The following NCKAP5 variants were observed in gnomAD, a reference collection of about 807,000 sequenced individuals.
NCKAP5 encodes nck-associated protein 5.
Under a neutral mutation model 167.0 loss-of-function variants are expected in NCKAP5, and 92 were observed. That is an observed-to-expected ratio of 0.55 (90% confidence interval 0.47 to 0.66). The LOEUF is 0.66. Ranked by LOEUF, NCKAP5 falls within the 30% of genes least tolerant of loss-of-function variation. NCKAP5 has a pLI of 0.00. For missense variants in NCKAP5, 2,378 were observed against 2,315.0 expected, an observed-to-expected ratio of 1.03 and a Z score of -0.56; for synonymous variants, 891 against 877.4, an observed-to-expected ratio of 1.02 and a Z score of -0.27.
At chr2:133,502,305 A>C (rs1275196109) in intron 3 of NCKAP5, among the ~76,000 whole-genome samples, 1 of 152,176 alleles carries the variant, frequency 6.6e-6, no homozygotes, top group Non-Finnish European at 1.5e-5. Context: ...TTCTCCATGC[A>C]GACGTTATGG....
chr2:133,172,020 C>G (rs1232603996), intron 5 of NCKAP5, among the ~76,000 whole-genome samples: 2 of 152,156 alleles, frequency 1.3e-5, no homozygotes, highest in African/African-American at 4.8e-5. Context: ...AAAGTATCTT[C>G]CATCACATTT....
chr2:133,641,687 G>T, the NCKAP5 span, among the ~76,000 whole-genome samples: 4 of 152,172 alleles, frequency 2.6e-5, no homozygotes, highest in African/African-American at 9.7e-5. Flanking sequence ...GGAGGCTGTG[G>T]TTCATCCAGT....
At chr2:133,050,673 G>A (rs372410782) in intron 6 of NCKAP5, among the ~76,000 whole-genome samples, 1 of 152,094 alleles carries the variant, frequency 6.6e-6, no homozygotes, top group East Asian at 1.9e-4. Flanking sequence ...CATTAGTCTA[G>A]GTATATTTTT....
chr2:132,811,861 G>T (rs919953754), intron 11 of NCKAP5, among the ~76,000 whole-genome samples: 8 of 152,072 alleles, frequency 5.3e-5, no homozygotes, highest in Admixed American at 3.3e-4. Flanking sequence ...TTTACCCCCC[G>T]CTCCTCTGGC....
chr2:132,702,715 A>C (rs1005637372), intron 19 of NCKAP5, among the ~76,000 whole-genome samples: 1 of 152,040 alleles, frequency 6.6e-6, no homozygotes, highest in African/African-American at 2.4e-5. Context: ...CATCACTCCC[A>C]ATCAAACTAT....
intron 9 of NCKAP5, among the ~76,000 whole-genome samples, chr2:132,876,031 A>T (rs549295353): frequency 8.5e-5 from 13 of 152,280 alleles, no homozygotes; most frequent in African/African-American, 3.1e-4. Flanking sequence ...CCAAATCCTC[A>T]ATATGTTCCT....
chr2:132,849,477 T>C (rs1337143224), intron 11 of NCKAP5, among the ~76,000 whole-genome samples: 2 of 152,194 alleles, frequency 1.3e-5, no homozygotes, highest in Non-Finnish European at 2.9e-5. Flanking sequence ...TAATACAGTA[T>C]ATTTTTGGGC....
chr2:133,307,800 T>C (rs1680886507), intron 3 of NCKAP5, among the ~76,000 whole-genome samples: 1 of 152,126 alleles, frequency 6.6e-6, no homozygotes, highest in African/African-American at 2.4e-5. Flanking sequence ...TATGTACATA[T>C]ACTATGCATT....
intron 16 of NCKAP5, among the ~76,000 whole-genome samples, chr2:132,765,686 G>A (rs1170888843): frequency 1.3e-5 from 2 of 152,120 alleles, no homozygotes; most frequent in African/African-American, 2.4e-5. Context: ...CTTGGTAGGG[G>A]GCTGGCTGCA....
chr2:133,623,678 AC>A, the NCKAP5 span, among the ~76,000 whole-genome samples: 2 of 152,162 alleles, frequency 1.3e-5, no homozygotes, highest in Non-Finnish European at 2.9e-5. Context: ...AAAAGGGAAC[AC>A]TTTTACACAC....
chr2:132,878,619 C>G (rs1574495377), intron 9 of NCKAP5, among the ~76,000 whole-genome samples: 1 of 61,862 alleles, frequency 1.6e-5, no homozygotes, highest in African/African-American at 1.2e-4. Flanking sequence ...CAGATACACA[C>G]ACACACACAC....
intron 4 of NCKAP5, among the ~76,000 whole-genome samples, chr2:133,281,771 C>T (rs1212401584): frequency 2.7e-4 from 41 of 152,244 alleles, no homozygotes. Context: ...GAAACAAATG[C>T]CTATTTCTTC....
At chr2:133,194,892 A>G (rs72842496) in intron 5 of NCKAP5, among the ~76,000 whole-genome samples, 1 of 151,504 alleles carries the variant, frequency 6.6e-6, no homozygotes, top group Admixed American at 6.6e-5. Context: ...TATGAAAAAA[A>G]TATTCTAGCT....
chr2:133,608,911 C>A, the NCKAP5 span, among the ~76,000 whole-genome samples: 1 of 152,316 alleles, frequency 6.6e-6, no homozygotes, highest in Non-Finnish European at 1.5e-5. Context: ...TGGTCCCAGA[C>A]CAACCACACT....
intron 5 of NCKAP5, among the ~76,000 whole-genome samples, chr2:133,158,405 C>T (rs1428815720): frequency 6.6e-6 from 1 of 152,200 alleles, no homozygotes; most frequent in Non-Finnish European, 1.5e-5. Flanking sequence ...ATACACACTT[C>T]AGTCTTCAGA....
At chr2:133,531,888 C>T (rs1366860861) in intron 2 of NCKAP5, among the ~76,000 whole-genome samples, 1 of 152,156 alleles carries the variant, frequency 6.6e-6, no homozygotes, top group Non-Finnish European at 1.5e-5. Flanking sequence ...TTAATCTTTC[C>T]TCTCTTTTAA....
At chr2:132,980,180 C>T (rs1026802567) in intron 7 of NCKAP5, among the ~76,000 whole-genome samples, 11 of 151,360 alleles carry the variant, frequency 7.3e-5, no homozygotes, top group African/African-American at 1.2e-4. Flanking sequence ...TTTGTAGAGA[C>T]GGAGTTTCAC....
At chr2:132,779,483 C>T (rs1488941320) in intron 15 of NCKAP5, among the ~76,000 whole-genome samples, 1 of 151,810 alleles carries the variant, frequency 6.6e-6, no homozygotes, top group African/African-American at 2.4e-5. Flanking sequence ...TCAGTGACAC[C>T]ACAAGGGCAG....
the NCKAP5 span, among the ~76,000 whole-genome samples, chr2:133,616,237 A>C: frequency 6.8e-6 from 1 of 146,770 alleles, no homozygotes; most frequent in Non-Finnish European, 1.5e-5. Flanking sequence ...TCACAATTAA[A>C]AGAACTAGAA....
Sources: allele counts gnomAD v4.1 joint callset (sites outside exome capture counted in the v4.1 genomes callset), GRCh38; gene constraint gnomAD v4.1.1; transcripts MANE v1.5; gene names NCBI Gene and HGNC (gene_info 2026-07-23, HGNC 2026-07-21).